Variants in RTL4 observed in about 807,000 individuals in gnomAD.
The protein encoded by RTL4 is retrotransposon Gag-like protein 4.
RTL4 carries 4 observed loss-of-function variants against 5.3 expected under a neutral mutation model. The ratio of observed to expected loss-of-function variants is 0.75; its 90% CI spans 0.37 to 1.72. The LOEUF (loss-of-function observed/expected upper bound fraction) is 1.72. Among genes scored for constraint, RTL4 ranks in the 40% most tolerant of loss-of-function variants. The probability of loss-of-function intolerance (pLI) is 0.04; values close to 1 mark genes in which losing one functional copy is unlikely to be tolerated. For synonymous variants in RTL4, 98 were observed against 87.3 expected (o/e 1.12, Z -0.68); for missense variants, 260 against 227.1 (o/e 1.14, Z -0.93).
the RTL4 span, among the ~76,000 whole-genome samples, chrX:112,262,178 C>A: frequency 8.0e-5 from 9 of 111,935 alleles, no homozygotes; most frequent in Admixed American, 6.6e-4. Context: ...GCAACAAAAG[C>A]CAAAATAGAC....
chrX:112,127,070 T>A, the RTL4 span, among the ~76,000 whole-genome samples: 78 of 112,026 alleles, frequency 7.0e-4, no homozygotes, highest in East Asian at 0.02. Context: ...ATTTATTTTA[T>A]GATACCAGCA....
chrX:112,145,079 T>G, the RTL4 span, among the ~76,000 whole-genome samples: 1 of 111,166 alleles, frequency 9.0e-6, no homozygotes, highest in South Asian at 3.8e-4. Flanking sequence ...GGAGCTCTTT[T>G]CCTTTAGAAT....
the RTL4 span, among the ~76,000 whole-genome samples, chrX:112,183,522 G>A: frequency 1.8e-5 from 2 of 111,977 alleles, no homozygotes; most frequent in African/African-American, 6.5e-5. Context: ...CCTAGTCTCT[G>A]ATAAAACAGG....
the RTL4 span, among the ~76,000 whole-genome samples, chrX:112,282,715 G>T: frequency 9.0e-6 from 1 of 111,123 alleles, no homozygotes; most frequent in Non-Finnish European, 1.9e-5. Flanking sequence ...TATCTCCTTG[G>T]ATACATTTAT....
chrX:112,375,779 A>G, the RTL4 span, among the ~76,000 whole-genome samples: 3 of 111,665 alleles, frequency 2.7e-5, no homozygotes. Flanking sequence ...CTATTTTGCC[A>G]TCTTGCTGAC....
the RTL4 span, among the ~76,000 whole-genome samples, chrX:112,200,967 C>T: frequency 9.0e-6 from 1 of 111,460 alleles, no homozygotes; most frequent in Non-Finnish European, 1.9e-5. Context: ...TTGAATCCTA[C>T]CTTGTATTAG....
the RTL4 span, among the ~76,000 whole-genome samples, chrX:112,323,690 A>G: frequency 9.1e-6 from 1 of 110,317 alleles, no homozygotes; most frequent in Non-Finnish European, 1.9e-5. Context: ...ATGGTTTGCC[A>G]TGTTTCCCTG....
the RTL4 span, among the ~76,000 whole-genome samples, chrX:112,393,159 TTG>T: frequency 1.0e-5 from 1 of 97,487 alleles, no homozygotes; most frequent in Non-Finnish European, 2.0e-5. Context: ...TTTTTTTTTT[TTG>T]TTTTTTTTTT....
the RTL4 span, among the ~76,000 whole-genome samples, chrX:112,403,017 G>C: frequency 9.0e-6 from 1 of 111,676 alleles, no homozygotes; most frequent in African/African-American, 3.3e-5. Flanking sequence ...GTATTTTAAG[G>C]CTTCTGAAAT....
the RTL4 span, among the ~76,000 whole-genome samples, chrX:112,415,713 A>G: frequency 1.8e-5 from 2 of 111,642 alleles, no homozygotes; most frequent in South Asian, 7.5e-4. Context: ...TTTATTAAAG[A>G]TTTTATTTAA....
the RTL4 span, among the ~76,000 whole-genome samples, chrX:112,198,362 AATGGTACGTGTCAT>A: frequency 9.0e-6 from 1 of 111,443 alleles, no homozygotes; most frequent in African/African-American, 3.3e-5. Context: ...CAGAGCCTAA[AATGGTACGTGTCAT>A]ATAGTAGGCT....
the RTL4 span, among the ~76,000 whole-genome samples, chrX:112,105,695 A>G: frequency 9.0e-6 from 1 of 111,157 alleles, no homozygotes; most frequent in Non-Finnish European, 1.9e-5. Flanking sequence ...ATTTTCTGTT[A>G]GTGTATAGAA....
chrX:112,181,771 G>A, the RTL4 span, among the ~76,000 whole-genome samples: 2 of 111,922 alleles, frequency 1.8e-5, no homozygotes, highest in African/African-American at 6.5e-5. Flanking sequence ...AGACTTAAAA[G>A]TTCCTGCCTG....
chrX:112,324,112 G>GATGGTA, the RTL4 span, among the ~76,000 whole-genome samples: 1 of 112,077 alleles, frequency 8.9e-6, no homozygotes, highest in East Asian at 2.8e-4. Context: ...CACTCCAAGT[G>GATGGTA]ATGGTAATCT....
chrX:112,247,121 GGT>G, the RTL4 span, among the ~76,000 whole-genome samples: 1 of 111,202 alleles, frequency 9.0e-6, no homozygotes. Flanking sequence ...AGTCCTCAAA[GGT>G]AAACAAAGAA....
At chrX:112,114,987 A>T in the RTL4 span, among the ~76,000 whole-genome samples, 1 of 111,412 alleles carries the variant, frequency 9.0e-6, no homozygotes, top group East Asian at 2.8e-4. Flanking sequence ...TGCAGAAAAA[A>T]ATAAGCTGCT....
the RTL4 span, among the ~76,000 whole-genome samples, chrX:112,254,566 A>G: frequency 9.0e-6 from 1 of 110,782 alleles, no homozygotes; most frequent in Non-Finnish European, 1.9e-5. Context: ...TGACCTCGTG[A>G]TCCACCTGCC....
the RTL4 span, among the ~76,000 whole-genome samples, chrX:112,140,719 AT>A: frequency 1.8e-5 from 2 of 111,744 alleles, no homozygotes; most frequent in African/African-American, 6.5e-5. Flanking sequence ...CACACTGGGG[AT>A]TTAGTTCCAA....
At chrX:112,349,126 T>C in the RTL4 span, among the ~76,000 whole-genome samples, 2 of 110,861 alleles carry the variant, frequency 1.8e-5, no homozygotes, top group Admixed American at 1.9e-4. Context: ...TCTTAAATAC[T>C]ACACTATTTA....
Sources: allele counts gnomAD v4.1 joint callset (sites outside exome capture counted in the v4.1 genomes callset), GRCh38; gene constraint gnomAD v4.1.1; transcripts MANE v1.5; gene names NCBI Gene and HGNC (gene_info 2026-07-23, HGNC 2026-07-21).